GRID1: variants seen among roughly 807,000 people sequenced by gnomAD.
GRID1 encodes glutamate ionotropic receptor delta type subunit 1.
Under a neutral mutation model 98.0 loss-of-function variants are expected in GRID1, and 28 were observed. That is an observed-to-expected ratio of 0.29 (90% CI 0.21 to 0.39). The LOEUF (loss-of-function observed/expected upper bound fraction) is 0.39, where lower values mean the gene tolerates loss of function less well. Among genes scored for constraint, GRID1 ranks in the 10% least tolerant of loss-of-function variants. GRID1 has a pLI of 1.00. For synonymous variants in GRID1, 553 were observed against 538.5 expected, an observed-to-expected ratio of 1.03 and a Z score of -0.37; for missense variants, 1,111 against 1,340.5, an observed-to-expected ratio of 0.83 and a Z score of 2.67.
intron 4 of GRID1, among the ~76,000 whole-genome samples, chr10:85,955,404 G>A (rs765478550): frequency 2.8e-4 from 43 of 152,224 alleles, no homozygotes; most frequent in Middle Eastern, 6.8e-3. Context: ...GAACCTGGAC[G>A]CAATGGCCTC....
At chr10:85,812,661 G>C (rs1479626955) in intron 8 of GRID1, among the ~76,000 whole-genome samples, 2 of 151,816 alleles carry the variant, frequency 1.3e-5, no homozygotes, top group Non-Finnish European at 2.9e-5. Flanking sequence ...AATTACCTGA[G>C]GACTCTAAAG....
intron 2 of GRID1, among the ~76,000 whole-genome samples, chr10:86,255,916 C>T (rs921230419): frequency 2.3e-4 from 35 of 152,152 alleles, no homozygotes; most frequent in Non-Finnish European, 5.1e-4. Flanking sequence ...TGCCGCACCC[C>T]CAACCACTAC....
intron 2 of GRID1, among the ~76,000 whole-genome samples, chr10:86,336,909 A>T (rs1447910713): frequency 7.6e-5 from 11 of 145,598 alleles, no homozygotes; most frequent in African/African-American, 2.8e-4. Context: ...CAGTGGCGCG[A>T]TCTCGGCTCA....
At chr10:85,729,430 A>C in intron 9 of GRID1, 83 bp downstream of exon 9, 1 of 757,072 alleles carries the variant, frequency 1.3e-6, no homozygotes, top group South Asian at 1.6e-5. Flanking sequence ...CTTCTCCCCA[A>C]ACCCAGCATT....
intron 11 of GRID1, 37 bp downstream of exon 11, chr10:85,724,315 C>T (rs778577014): frequency 6.5e-7 from 1 of 1,543,024 alleles, no homozygotes; most frequent in Non-Finnish European, 8.9e-7. Context: ...TTCCAGGCCC[C>T]TAGAGCTATT....
At chr10:85,925,714 A>G (rs1162803920) in intron 4 of GRID1, among the ~76,000 whole-genome samples, 3 of 152,224 alleles carry the variant, frequency 2.0e-5, no homozygotes, top group African/African-American at 7.2e-5. Context: ...CATTTTGGAC[A>G]GGAGAGTCCC....
chr10:85,916,361 G>A lies in GRID1; in HGVS notation c.727-122C>T. On this transcript the variant is annotated intron_variant, in intron 4 of 15. Transcript: ENST00000327946. The surrounding 1 kb of genome is among the most constrained non-coding windows in gnomAD (Gnocchi z 4.0). ...GGAGAATATTTTCCTCACAAAACATGCCATCCCCCTGGGGCCTGCTCTGGC... is the reference window on the plus strand; with the variant it reads ...GGAGAATATTTTCCTCACAAAACATACCATCCCCCTGGGGCCTGCTCTGGC... The A allele has an allele frequency of 1.2e-6, 1 of 810,568 alleles. No individual in the cohort carries two copies. The highest frequency in any genetic ancestry group is 2.1e-6 in the Non-Finnish European group (1 of 482,494). 50.2% of individuals were successfully genotyped at this position (810,568 alleles called of 1,614,324 possible).
intron 2 of GRID1, among the ~76,000 whole-genome samples, chr10:86,333,382 T>C (rs1402866625): frequency 6.6e-6 from 1 of 152,264 alleles, no homozygotes; most frequent in Non-Finnish European, 1.5e-5. Flanking sequence ...ACTATAAATA[T>C]TTGTTTCCAT....
intron 8 of GRID1, among the ~76,000 whole-genome samples, chr10:85,829,881 G>A (rs1399997344): frequency 6.6e-6 from 1 of 151,934 alleles, no homozygotes; most frequent in Non-Finnish European, 1.5e-5. Flanking sequence ...CTGATGCCAT[G>A]CTACTGTGCA....
At chr10:85,786,840 G>A (rs1453410744) in intron 8 of GRID1, among the ~76,000 whole-genome samples, 1 of 152,164 alleles carries the variant, frequency 6.6e-6, no homozygotes. Flanking sequence ...GCCTCCCAGG[G>A]CCCAGGCTGC....
At chr10:86,028,777 T>G (rs926092757) in intron 4 of GRID1, among the ~76,000 whole-genome samples, 5 of 152,114 alleles carry the variant, frequency 3.3e-5, no homozygotes, top group African/African-American at 1.2e-4. Flanking sequence ...AATGACAGGT[T>G]TGTAACTAAA....
At chr10:86,237,918 G>A (rs746621193) in intron 2 of GRID1, among the ~76,000 whole-genome samples, 6 of 152,076 alleles carry the variant, frequency 3.9e-5, no homozygotes, top group East Asian at 1.9e-4. Context: ...GAGAACCGAC[G>A]AATACAGCAA....
chr10:86,292,517 C>T (rs1047714576), intron 2 of GRID1, among the ~76,000 whole-genome samples: 1 of 152,228 alleles, frequency 6.6e-6, no homozygotes, highest in Non-Finnish European at 1.5e-5. Context: ...AGATAAGCGT[C>T]GCCCCTGGCA....
At chr10:86,136,046 T>C (rs982951092) in intron 4 of GRID1, among the ~76,000 whole-genome samples, 4 of 152,190 alleles carry the variant, frequency 2.6e-5, no homozygotes, top group Non-Finnish European at 5.9e-5. Context: ...TTGGGCTTCA[T>C]AAAATTCAGG....
At chr10:85,921,532 T>G (rs74910071) in intron 4 of GRID1, among the ~76,000 whole-genome samples, 3 of 152,162 alleles carry the variant, frequency 2.0e-5, no homozygotes, top group East Asian at 3.9e-4. Context: ...CACCCTGATC[T>G]CACGATTTTC....
intron 8 of GRID1, among the ~76,000 whole-genome samples, chr10:85,829,748 G>T (rs1350747823): frequency 1.3e-5 from 2 of 152,044 alleles, no homozygotes; most frequent in African/African-American, 4.8e-5. Flanking sequence ...AACTAAAGAG[G>T]TGAAAGATTT....
At chr10:85,768,424 T>C (rs368624725) in intron 8 of GRID1, among the ~76,000 whole-genome samples, 1 of 137,728 alleles carries the variant, frequency 7.3e-6, no homozygotes, top group South Asian at 2.3e-4. Flanking sequence ...AAAAAAAAAA[T>C]GATAATAACA....
At chr10:86,234,296 C>T (rs1846501612) in intron 2 of GRID1, among the ~76,000 whole-genome samples, 1 of 152,196 alleles carries the variant, frequency 6.6e-6, no homozygotes, top group Non-Finnish European at 1.5e-5. Context: ...ACATCGGGCA[C>T]GTCTGCCCCC....
chr10:86,350,853 T>C (rs1317272939), intron 2 of GRID1, among the ~76,000 whole-genome samples: 1 of 152,200 alleles, frequency 6.6e-6, no homozygotes, highest in African/African-American at 2.4e-5. Flanking sequence ...TTGTTAATTA[T>C]AGTCACCCTG....
Sources: allele counts gnomAD v4.1 joint callset (sites outside exome capture counted in the v4.1 genomes callset), GRCh38; gene constraint gnomAD v4.1.1; non-coding constraint Gnocchi (gnomAD v3.1); transcripts MANE v1.5; gene names NCBI Gene and HGNC (gene_info 2026-07-23, HGNC 2026-07-21).